Variants in EPHA6 observed in about 807,000 individuals in gnomAD.
The protein encoded by EPHA6 is ephrin type-A receptor 6.
EPHA6 carries 50 observed loss-of-function variants against 112.0 expected under a neutral mutation model. The observed-to-expected ratio is 0.45, with a 90% CI of 0.36 to 0.56. EPHA6 has a LOEUF of 0.56. Among genes scored for constraint, EPHA6 ranks in the 20% least tolerant of loss-of-function variants. The pLI is 0.00. For missense variants in EPHA6, 1,280 were observed against 1,417.4 expected, an observed-to-expected ratio of 0.90 and a Z score of 1.56; for synonymous variants, 529 against 490.7, an observed-to-expected ratio of 1.08 and a Z score of -1.03.
intron 5 of EPHA6, among the ~76,000 whole-genome samples, chr3:97,385,859 A>T (rs947468541): frequency 3.3e-5 from 5 of 152,176 alleles, no homozygotes; most frequent in African/African-American, 1.2e-4. Flanking sequence ...AAACAACCAG[A>T]TCTTGTGAGA....
At chr3:97,745,719 C>T (rs993674977) in intron 16 of EPHA6, among the ~76,000 whole-genome samples, 2 of 151,794 alleles carry the variant, frequency 1.3e-5, no homozygotes, top group African/African-American at 4.8e-5. Context: ...TAAATGAATT[C>T]TAGGCCTTCC....
chr3:97,041,907 C>T (rs2045330030), intron 3 of EPHA6, among the ~76,000 whole-genome samples: 1 of 152,096 alleles, frequency 6.6e-6, no homozygotes, highest in African/African-American at 2.4e-5. Context: ...CCTTAGGCCC[C>T]TCCTCCAACA....
At chr3:96,890,901 C>T (rs542421843) in intron 2 of EPHA6, among the ~76,000 whole-genome samples, 81 of 152,284 alleles carry the variant, frequency 5.3e-4, no homozygotes, top group Middle Eastern at 3.4e-3. Flanking sequence ...GCCTGGCCAA[C>T]ATGGTGAAAC....
intron 11 of EPHA6, among the ~76,000 whole-genome samples, chr3:97,550,625 C>A (rs945176476): frequency 6.6e-6 from 1 of 152,118 alleles, no homozygotes; most frequent in Non-Finnish European, 1.5e-5. Context: ...TCTCTGACTG[C>A]ATCGAGAGCC....
chr3:97,341,518 C>A (rs1432193999), intron 5 of EPHA6, among the ~76,000 whole-genome samples: 1 of 151,958 alleles, frequency 6.6e-6, no homozygotes, highest in Non-Finnish European at 1.5e-5. Context: ...CCACGCCTGG[C>A]TAATTTTTGT....
At chr3:97,045,250 G>T (rs16837944) in intron 3 of EPHA6, among the ~76,000 whole-genome samples, 11,548 of 151,920 alleles carry the variant, frequency 0.076, 754 homozygotes, top group Admixed American at 0.22. Context: ...GCATGTTAAA[G>T]AAAATATCTG....
At chr3:97,118,936 T>A (rs1190422081) in intron 3 of EPHA6, among the ~76,000 whole-genome samples, 1 of 152,024 alleles carries the variant, frequency 6.6e-6, no homozygotes, top group Non-Finnish European at 1.5e-5. Flanking sequence ...CTAAGTAATA[T>A]GAAGATTGCA....
chr3:97,320,694 A>G (rs997830737), intron 5 of EPHA6, among the ~76,000 whole-genome samples: 5 of 151,760 alleles, frequency 3.3e-5, no homozygotes, highest in African/African-American at 1.2e-4. Flanking sequence ...GAAAATTGGG[A>G]TAGGCAGAGA....
At chr3:97,136,934 C>A (rs2108342086) in intron 3 of EPHA6, among the ~76,000 whole-genome samples, 1 of 152,120 alleles carries the variant, frequency 6.6e-6, no homozygotes, top group South Asian at 2.1e-4. Context: ...AAGAAGGACA[C>A]CCTAAAAGAA....
intron 5 of EPHA6, among the ~76,000 whole-genome samples, chr3:97,372,035 G>A (rs1395884668): frequency 6.6e-6 from 1 of 152,006 alleles, no homozygotes; most frequent in African/African-American, 2.4e-5. Context: ...ATTTTGCCCC[G>A]GTCCTGTGAT....
intron 15 of EPHA6, among the ~76,000 whole-genome samples, chr3:97,735,074 G>A (rs1314181126): frequency 6.6e-6 from 1 of 151,966 alleles, no homozygotes; most frequent in Non-Finnish European, 1.5e-5. Context: ...CCATAGAGTA[G>A]CCATTAGACA....
At chr3:97,054,621 G>C (rs1322625327) in intron 3 of EPHA6, among the ~76,000 whole-genome samples, 1 of 152,066 alleles carries the variant, frequency 6.6e-6, no homozygotes, top group Non-Finnish European at 1.5e-5. Flanking sequence ...ACACTGAAAT[G>C]AGAAGAAAAT....
intron 1 of EPHA6, among the ~76,000 whole-genome samples, chr3:96,836,590 C>T (rs2034428949): frequency 2.0e-5 from 3 of 152,102 alleles, no homozygotes; most frequent in Non-Finnish European, 1.5e-5. Flanking sequence ...TCATTCATTC[C>T]ACATTTACTG....
chr3:97,214,285 C>A (rs2077969269), intron 3 of EPHA6, among the ~76,000 whole-genome samples: 1 of 152,006 alleles, frequency 6.6e-6, no homozygotes, highest in African/African-American at 2.4e-5. Context: ...GTGATTCACC[C>A]ACCTTAGCTT....
intron 3 of EPHA6, among the ~76,000 whole-genome samples, chr3:97,113,576 C>T (rs1260923433): frequency 6.6e-6 from 1 of 152,146 alleles, no homozygotes; most frequent in Non-Finnish European, 1.5e-5. Flanking sequence ...GCAGGCAACA[C>T]TCTTTGCAGC....
intron 3 of EPHA6, among the ~76,000 whole-genome samples, chr3:97,064,154 G>T (rs2046109125): frequency 6.6e-6 from 1 of 152,124 alleles, no homozygotes; most frequent in African/African-American, 2.4e-5. Context: ...TAAATCTAAG[G>T]AAGAAAACTT....
chr3:97,333,523 G>A (rs1192671770), intron 5 of EPHA6, among the ~76,000 whole-genome samples: 9 of 143,936 alleles, frequency 6.3e-5, no homozygotes, highest in Non-Finnish European at 1.3e-4. Flanking sequence ...GCCCAGGCTG[G>A]AGTGCGGTGG....
intron 14 of EPHA6, among the ~76,000 whole-genome samples, chr3:97,665,702 C>T (rs1246695866): frequency 2.0e-5 from 3 of 152,196 alleles, no homozygotes; most frequent in Non-Finnish European, 2.9e-5. Flanking sequence ...TCAATACACA[C>T]ATCTTCCACA....
intron 3 of EPHA6, among the ~76,000 whole-genome samples, chr3:97,155,936 T>C (rs552578314): frequency 3.3e-5 from 5 of 152,276 alleles, no homozygotes; most frequent in South Asian, 2.1e-4. Context: ...TAGAAACAGC[T>C]CTCTGCTCAT....
Sources: gnomAD v4.1 joint callset for allele counts (sites outside exome capture counted in the v4.1 genomes callset) on GRCh38, gnomAD v4.1.1 for gene constraint, MANE v1.5 for transcripts, NCBI Gene and HGNC (gene_info 2026-07-23, HGNC 2026-07-21) for gene names.